Variants in CAST observed in about 807,000 individuals in gnomAD.
CAST encodes MIR583 host.
Under a neutral mutation model 119.6 loss-of-function variants are expected in CAST, and 76 were observed. The observed-to-expected ratio is 0.64, with a 90% confidence interval of 0.53 to 0.77. The LOEUF (loss-of-function observed/expected upper bound fraction) is 0.77, where lower values mean the gene tolerates loss of function less well. Among genes scored for constraint, CAST ranks in the 30% least tolerant of loss-of-function variants. The pLI is 0.00. For missense variants in CAST, 953 were observed against 946.5 expected (o/e 1.01, Z -0.09); for synonymous variants, 319 against 331.6 (o/e 0.96, Z 0.41).
chr5:96,178,956 C>A, the CAST span, among the ~76,000 whole-genome samples: 1 of 152,214 alleles, frequency 6.6e-6, no homozygotes, highest in Non-Finnish European at 1.5e-5. Context: ...TCTTCCATCC[C>A]AGCAAGAAGA....
At chr5:96,312,507 C>T in the CAST span, among the ~76,000 whole-genome samples, 29 of 152,204 alleles carry the variant, frequency 1.9e-4, no homozygotes, top group African/African-American at 6.7e-4. Flanking sequence ...TACATCCCAA[C>T]ACCAAGGCTG....
the CAST span, among the ~76,000 whole-genome samples, chr5:96,188,760 A>G: frequency 2.9e-3 from 442 of 152,290 alleles, 1 homozygote; most frequent in African/African-American, 0.01. Context: ...TCAGAACTGT[A>G]TAAGTATTGA....
At chr5:96,014,070 A>G in the CAST span, among the ~76,000 whole-genome samples, 44 of 152,050 alleles carry the variant, frequency 2.9e-4, no homozygotes. Context: ...TACTTAGCTT[A>G]AAACACAAAT....
At chr5:96,212,400 T>G in the CAST span, among the ~76,000 whole-genome samples, 2 of 152,298 alleles carry the variant, frequency 1.3e-5, no homozygotes, top group South Asian at 4.1e-4. Flanking sequence ...TGTTTATCAT[T>G]CTGTTGTTGA....
In CAST at chr5:96,738,228, A is replaced by G. The variant is rs1475053042; in HGVS notation, c.798+281A>G. On this transcript the variant is annotated intron_variant, in intron 11 of 31. Transcript: ENST00000675179. ...TCCCAGCTACTTGGGAAGCTGAGGCAGGAGAATCACTTGAACCCAGGAGGC... is the reference window on the plus strand; with the variant it reads ...TCCCAGCTACTTGGGAAGCTGAGGCGGGAGAATCACTTGAACCCAGGAGGC... Among the ~76,000 whole-genome samples, 4 of 152,198 alleles carry G rather than the reference A, an allele frequency of 2.6e-5. No homozygotes were observed. The East Asian group carries it at 7.7e-4, about 29-fold the overall frequency.
At chr5:96,474,810 T>G in the CAST span, among the ~76,000 whole-genome samples, 17 of 152,254 alleles carry the variant, frequency 1.1e-4, no homozygotes, top group East Asian at 3.1e-3. Flanking sequence ...AGATACCGTC[T>G]TGGATATCTC....
At chr5:96,270,471 A>G in the CAST span, among the ~76,000 whole-genome samples, 18,347 of 152,156 alleles carry the variant, frequency 0.12, 1,335 homozygotes, top group East Asian at 0.21. Flanking sequence ...TGCAGACAAC[A>G]TGATGTTATA....
chr5:96,416,986 G>A, the CAST span, among the ~76,000 whole-genome samples: 18 of 152,252 alleles, frequency 1.2e-4, no homozygotes, highest in African/African-American at 4.1e-4. Flanking sequence ...CATTTATTTC[G>A]TGATTTTATT....
chr5:96,527,151 G>A (rs1281849130), upstream of CAST, among the ~76,000 whole-genome samples: 1 of 152,190 alleles, frequency 6.6e-6, no homozygotes, highest in African/African-American at 2.4e-5. Flanking sequence ...AGGGTAGGTG[G>A]AGGGATGATT....
At chr5:96,160,817 G>T in the CAST span, among the ~76,000 whole-genome samples, 1 of 152,146 alleles carries the variant, frequency 6.6e-6, no homozygotes, top group Non-Finnish European at 1.5e-5. Context: ...GTGTGAAGTG[G>T]TGTCTATCTC....
chr5:96,742,445 A>G, intron 15 of CAST: 1 of 549,356 alleles, frequency 1.8e-6, no homozygotes, highest in Non-Finnish European at 3.3e-6. Flanking sequence ...CTGTTACTGT[A>G]GAAACGTGTC....
the CAST span, among the ~76,000 whole-genome samples, chr5:96,422,933 T>C: frequency 6.9e-6 from 1 of 145,040 alleles, no homozygotes; most frequent in Non-Finnish European, 1.5e-5. Flanking sequence ...GTCAGGGATA[T>C]AGACTCATAA....
chr5:96,420,775 G>GAGAGAGAGAGAA, the CAST span, among the ~76,000 whole-genome samples: 5 of 136,456 alleles, frequency 3.7e-5, no homozygotes, highest in Non-Finnish European at 7.8e-5. Flanking sequence ...AAGAGAGGGA[G>GAGAGAGAGAGAA]AGAGAGAGAG....
intron 1 of CAST, among the ~76,000 whole-genome samples, chr5:96,597,508 A>G (rs942549797): frequency 3.3e-5 from 5 of 152,202 alleles, no homozygotes; most frequent in Non-Finnish European, 5.9e-5. Context: ...TCCTCTAATT[A>G]CCACTAACTA....
the CAST span, among the ~76,000 whole-genome samples, chr5:96,021,981 T>G: frequency 6.6e-6 from 1 of 152,244 alleles, no homozygotes; most frequent in Non-Finnish European, 1.5e-5. Context: ...GTTACATCTG[T>G]ACTGAACATA....
the CAST span, among the ~76,000 whole-genome samples, chr5:96,076,369 C>T: frequency 1.3e-5 from 2 of 152,138 alleles, no homozygotes; most frequent in African/African-American, 4.8e-5. Context: ...CTTCTTTCCT[C>T]TAGGCAACAA....
At chr5:96,594,817 T>C (rs1028575610) in intron 1 of CAST, among the ~76,000 whole-genome samples, 2 of 152,230 alleles carry the variant, frequency 1.3e-5, no homozygotes, top group Non-Finnish European at 2.9e-5. Context: ...GTGAGGATTG[T>C]GGCAAGATTT....
At position 96,741,506 on chromosome 5, in the gene CAST, G is replaced by T. The variant is rs137925657; in HGVS notation, c.1024G>T (p.Val342Phe). 3 of 1,613,016 alleles carry T rather than the reference G, an allele frequency of 1.9e-6. No individual in the cohort carries two copies. Among genetic ancestry groups the T allele is most frequent in the African/African-American group, 2.7e-5 (2 of 74,890 alleles). Residue 342 changes from valine to phenylalanine, a missense_variant, in exon 15 of 32, where the codon GTT becomes TTT. Transcript: ENST00000675179. ...TTTTGTTTTTCAGGAATCTACAGAA[G>T]TTTTAAAAGCTCAGTCAGCAGGGAC... ...KKTEKEESTE[V>F]LKAQSAGTVR...
chr5:96,245,952 C>T, the CAST span, among the ~76,000 whole-genome samples: 2 of 152,140 alleles, frequency 1.3e-5, no homozygotes, highest in Admixed American at 6.5e-5. Context: ...CTAAGTGTAT[C>T]CCAGAAGCAG....
Sources: allele counts gnomAD v4.1 joint callset (sites outside exome capture counted in the v4.1 genomes callset), GRCh38; gene constraint gnomAD v4.1.1; transcripts MANE v1.5; gene names NCBI Gene and HGNC (gene_info 2026-07-23, HGNC 2026-07-21).